NUBPL: variants seen among roughly 807,000 people sequenced by gnomAD.
The protein encoded by NUBPL is NUBP iron-sulfur cluster assembly factor, mitochondrial.
In NUBPL, 31 loss-of-function variants were observed where a neutral mutation model predicts 45.7. The ratio of observed to expected loss-of-function variants is 0.68; its 90% confidence interval spans 0.51 to 0.92. The LOEUF (loss-of-function observed/expected upper bound fraction) is 0.92. NUBPL is among the 40% of genes least tolerant of loss of function. The probability of loss-of-function intolerance (pLI) is 0.00; values close to 1 mark genes in which losing one functional copy is unlikely to be tolerated. For missense variants in NUBPL, 401 were observed against 398.7 expected (o/e 1.01, Z -0.05); for synonymous variants, 144 against 140.9 (o/e 1.02, Z -0.15).
At position 31,562,159 on chromosome 14, in the gene NUBPL, A is replaced by G. The variant is rs2033303461; in HGVS notation, c.200A>G (p.Lys67Arg). The change falls in exon 2 of 11, where the codon AAA becomes AGA. Residue 67 changes from lysine (K) to arginine (R), a missense_variant. Coordinates refer to ENST00000281081, the MANE Select transcript of NUBPL (RefSeq NM_025152.3). ...AAGCAGAAACCGATAGAAGGTGTTA[A>G]ACAAGTTATAGTTGTGGCTTCTGGA... ...LPKQKPIEGV[K>R]QVIVVASGKG... is the part of the protein sequence containing the mutation. 3.1e-6 allele frequency: 5 copies of G among 1,614,148 alleles called. No individual in the cohort carries two copies. The South Asian group carries it at 5.5e-5, about 18-fold the overall frequency.
chr14:31,857,774 A>G (rs1257336697), intron 10 of NUBPL, among the ~76,000 whole-genome samples: 1 of 152,062 alleles, frequency 6.6e-6, no homozygotes, highest in Non-Finnish European at 1.5e-5. Context: ...CTTAGCCTGG[A>G]CCTTATTGTT....
At chr14:31,755,399 T>A (rs1188917997) in intron 6 of NUBPL, among the ~76,000 whole-genome samples, 1 of 152,246 alleles carries the variant, frequency 6.6e-6, no homozygotes, top group East Asian at 1.9e-4. Flanking sequence ...TTCTAACTGG[T>A]GTGAGATGTA....
intron 6 of NUBPL, among the ~76,000 whole-genome samples, chr14:31,751,789 G>A (rs577444665): frequency 1.3e-5 from 2 of 152,198 alleles, no homozygotes; most frequent in Non-Finnish European, 2.9e-5. Flanking sequence ...TTTTCCCTCT[G>A]CATTGCCCTA....
chr14:31,769,593 A>T (rs753470190), intron 6 of NUBPL, among the ~76,000 whole-genome samples: 1 of 152,106 alleles, frequency 6.6e-6, no homozygotes, highest in Non-Finnish European at 1.5e-5. Context: ...TTAAAAAAAA[A>T]GTTTGTTAAA....
At chr14:31,690,016 G>T (rs1173350023) in intron 6 of NUBPL, among the ~76,000 whole-genome samples, 2 of 150,706 alleles carry the variant, frequency 1.3e-5, no homozygotes, top group African/African-American at 4.9e-5. Flanking sequence ...CTGTTTCATT[G>T]GTCTATGTGT....
chr14:31,647,184 A>G (rs143513199), intron 4 of NUBPL, among the ~76,000 whole-genome samples: 99 of 152,300 alleles, frequency 6.5e-4, no homozygotes, highest in African/African-American at 2.1e-3. Flanking sequence ...ACTCACATTT[A>G]GCCATCTTGT....
chr14:31,680,775 A>G (rs1258364083), intron 6 of NUBPL, among the ~76,000 whole-genome samples: 2 of 152,120 alleles, frequency 1.3e-5, no homozygotes, highest in East Asian at 1.9e-4. Flanking sequence ...GTAAATAGTT[A>G]TTATACTGAA....
At chr14:31,631,484 C>A (rs915570294) in intron 4 of NUBPL, among the ~76,000 whole-genome samples, 43 of 77,008 alleles carry the variant, frequency 5.6e-4, no homozygotes, top group East Asian at 3.7e-3. Flanking sequence ...ACACACACAC[C>A]CCCACCCCAC....
chr14:31,635,244 T>C (rs1466599075), intron 4 of NUBPL, among the ~76,000 whole-genome samples: 1 of 152,168 alleles, frequency 6.6e-6, no homozygotes, highest in Non-Finnish European at 1.5e-5. Flanking sequence ...AAGTCTTTAA[T>C]CCATCTTGAA....
intron 4 of NUBPL, among the ~76,000 whole-genome samples, chr14:31,671,140 G>T (rs951092300): frequency 1.3e-5 from 2 of 151,986 alleles, no homozygotes; most frequent in African/African-American, 4.8e-5. Flanking sequence ...TCTCATCTCT[G>T]TGTTCTTTGA....
intron 6 of NUBPL, among the ~76,000 whole-genome samples, chr14:31,710,266 G>T (rs914201280): frequency 2.6e-5 from 4 of 152,086 alleles, no homozygotes; most frequent in Admixed American, 6.6e-5. Context: ...GATTTGGTTT[G>T]TTTGTTTCTC....
chr14:31,731,991 A>G (rs956451582), intron 6 of NUBPL, among the ~76,000 whole-genome samples: 2 of 151,908 alleles, frequency 1.3e-5, no homozygotes, highest in Non-Finnish European at 1.5e-5. Flanking sequence ...TCACGAGGTC[A>G]GGAGAGCTAG....
intron 4 of NUBPL, among the ~76,000 whole-genome samples, chr14:31,603,721 C>T (rs148361532): frequency 6.6e-6 from 1 of 152,134 alleles, no homozygotes; most frequent in African/African-American, 2.4e-5. Flanking sequence ...AACATTGACC[C>T]TAGCAGTAGT....
At chr14:31,760,144 T>TGTGTGTGAGAGAGAGAGAGAGA in intron 6 of NUBPL, among the ~76,000 whole-genome samples, 2 of 34,840 alleles carry the variant, frequency 5.7e-5, no homozygotes, top group African/African-American at 2.2e-4. Context: ...TGTGTGTGTG[T>TGTGTGTGAGAGAGAGAGAGAGA]GAGAGAGAGA....
At chr14:31,744,643 A>G (rs1316647164) in intron 6 of NUBPL, among the ~76,000 whole-genome samples, 18 of 111,756 alleles carry the variant, frequency 1.6e-4, no homozygotes, top group Admixed American at 5.6e-4. Flanking sequence ...TTTTTTTGAG[A>G]TGGAGTCTCA....
At chr14:31,840,699 G>A (rs2040357214) in intron 8 of NUBPL, among the ~76,000 whole-genome samples, 2 of 152,038 alleles carry the variant, frequency 1.3e-5, no homozygotes, top group South Asian at 2.1e-4. Flanking sequence ...ACTTATATGT[G>A]GAATCCAAAA....
chr14:31,828,199 C>G (rs1322319672), intron 8 of NUBPL, among the ~76,000 whole-genome samples: 1 of 152,174 alleles, frequency 6.6e-6, no homozygotes, highest in African/African-American at 2.4e-5. Flanking sequence ...ACACCGAAAA[C>G]TCTCTCTAAA....
chr14:31,633,187 A>G (rs546878724), intron 4 of NUBPL, among the ~76,000 whole-genome samples: 2 of 152,274 alleles, frequency 1.3e-5, no homozygotes, highest in African/African-American at 4.8e-5. Context: ...TTTTAGGTGC[A>G]TAGTGCATGG....
At chr14:31,583,077 G>T (rs1360406039) in intron 3 of NUBPL, among the ~76,000 whole-genome samples, 1 of 152,178 alleles carries the variant, frequency 6.6e-6, no homozygotes, top group Non-Finnish European at 1.5e-5. Flanking sequence ...CCGTGGAAAT[G>T]ATTGTGATAA....
Sources: allele counts gnomAD v4.1 joint callset (sites outside exome capture counted in the v4.1 genomes callset), GRCh38; gene constraint gnomAD v4.1.1; transcripts MANE v1.5; gene names NCBI Gene and HGNC (gene_info 2026-07-23, HGNC 2026-07-21).